Variants in SCUBE3 observed in about 807,000 individuals in gnomAD.
SCUBE3 encodes the protein signal peptide, CUB and EGF-like domain-containing protein 3.
Under a neutral mutation model 116.8 loss-of-function variants are expected in SCUBE3, and 33 were observed. That is an observed-to-expected ratio of 0.28 (90% CI 0.21 to 0.38). SCUBE3 has a LOEUF of 0.38. Ranked by LOEUF, SCUBE3 falls within the 10% of genes least tolerant of loss-of-function variation. The pLI is 1.00. For missense variants in SCUBE3, 1,007 were observed against 1,324.8 expected, an observed-to-expected ratio of 0.76 and a Z score of 3.72; for synonymous variants, 418 against 496.9, an observed-to-expected ratio of 0.84 and a Z score of 2.11.
rs1374074395 is a variant in SCUBE3, at chr6:35,233,386, A to G, written c.712+85A>G. ...GGGAACCAGGGAAGTGGAGGAGTGC[A>G]TGGGGCCCAGGTGCTGGGCACAGAG... On this transcript the variant is annotated intron_variant, in intron 6 of 21. Transcript: ENST00000274938. This position sits in a 1 kb window ranked among gnomAD's most constrained non-coding sequence, Gnocchi z 5.7. 2.4e-6 allele frequency: 2 copies of G among 840,102 alleles called. No individual in the cohort carries two copies. The highest frequency in any genetic ancestry group is 4.1e-6 in the Non-Finnish European group (2 of 490,178). The allele number at this position is 840,102 out of a possible 1,614,324, so 52.0% of individuals were successfully genotyped here.
Position 35,231,402 on chromosome 6 carries a change from T to C in SCUBE3, c.335-323T>C, listed in dbSNP as rs185329478. Among the ~76,000 whole-genome samples the C allele has an allele frequency of 2.0e-5, 3 of 152,332 alleles. No homozygotes were observed. The highest frequency in any genetic ancestry group is 4.4e-5 in the Non-Finnish European group (3 of 68,030). On this transcript the variant is annotated intron_variant, in intron 3 of 21. Transcript: ENST00000274938. The surrounding 1 kb of genome is among the most constrained non-coding windows in gnomAD (Gnocchi z 4.2). ...ATCCTTACCTTCATCACTGTTCCTCTTTCTCTGGCTTCTTTCCTGGTGTCC... is the reference window on the plus strand; with the variant it reads ...ATCCTTACCTTCATCACTGTTCCTCCTTCTCTGGCTTCTTTCCTGGTGTCC...
At chr6:35,226,479 C>CTTTTTTTTTTTTTTTTTT (rs1562044702) in intron 1 of SCUBE3, among the ~76,000 whole-genome samples, 28 of 52,182 alleles carry the variant, frequency 5.4e-4, no homozygotes, top group South Asian at 2.2e-3. Flanking sequence ...TTTTCTATGT[C>CTTTTTTTTTTTTTTTTTT]CTTTTTTTTT....
intron 6 of SCUBE3, 89 bp from the exon 7 acceptor site, chr6:35,237,813 C>A: frequency 1.4e-6 from 1 of 736,226 alleles, no homozygotes; most frequent in Non-Finnish European, 2.3e-6. Context: ...GGCCTTCCCT[C>A]GGGCCTCTGT....
intron 3 of SCUBE3, among the ~76,000 whole-genome samples, chr6:35,230,934 G>A (rs1300456374): frequency 2.0e-5 from 3 of 152,208 alleles, no homozygotes; most frequent in East Asian, 3.8e-4. Context: ...GAATCAAGGT[G>A]TTGAATTGGG....
At chr6:35,216,005 G>A (rs1782876594) in intron 1 of SCUBE3, among the ~76,000 whole-genome samples, 1 of 152,202 alleles carries the variant, frequency 6.6e-6, no homozygotes, top group Admixed American at 6.5e-5. Flanking sequence ...GAATTAGGTG[G>A]GGAGTTTAGT....
rs1227946932 is a variant in SCUBE3, at chr6:35,240,353, C to CT, written c.953-19dup. ...AAGTGCTCCAAGACAGATTCAGTGG[C>CT]TTGAATCTTTGCTCTTCCAGATATA... On this transcript the variant is annotated intron_variant, in intron 8 of 21. Coordinates refer to ENST00000274938, the MANE Select transcript of SCUBE3 (RefSeq NM_152753.4). This position sits in a 1 kb window ranked among gnomAD's most constrained non-coding sequence, Gnocchi z 4.6. 11 of 1,453,980 alleles carry CT rather than the reference C, an allele frequency of 7.6e-6. No individual in the cohort carries two copies. The highest frequency in any genetic ancestry group is 8.6e-6 in the Non-Finnish European group (9 of 1,047,598). The allele number at this position is 1,453,980 out of a possible 1,614,324, so 90.1% of individuals were successfully genotyped here.
At chr6:35,246,410 G>A in intron 21 of SCUBE3, 125 bp downstream of exon 21, 1 of 712,910 alleles carries the variant, frequency 1.4e-6, no homozygotes, top group Non-Finnish European at 2.4e-6. Flanking sequence ...TGAGGTAGGT[G>A]CTTTCTCCAT....
At position 35,228,832 on chromosome 6, in the gene SCUBE3, T is replaced by C; in HGVS notation, c.334+93T>C. 1 of 1,346,974 alleles carries C rather than the reference T, an allele frequency of 7.4e-7. No individual in the cohort carries two copies. The highest frequency in any genetic ancestry group is 1.1e-6 in the Non-Finnish European group (1 of 946,714). The allele number at this position is 1,346,974 out of a possible 1,614,324, so 83.4% of individuals were successfully genotyped here. A position where few individuals can be genotyped will look rare whatever the true frequency, so the allele number is the denominator to read the frequency against. ...TATTTCCCAGGGAAGGAGGAGAGAG[T>C]GATCAAGAAGAGCTACATTCACAAG... On this transcript the variant is annotated intron_variant, in intron 3 of 21. Coordinates refer to ENST00000274938, the MANE Select transcript of SCUBE3 (RefSeq NM_152753.4). This position sits in a 1 kb window ranked among gnomAD's most constrained non-coding sequence, Gnocchi z 4.9.
chr6:35,246,258 C>T lies in SCUBE3; in HGVS notation c.2805C>T (p.Ala935=). Residue 935 remains alanine, a synonymous_variant, in exon 21 of 22, where the codon GCC becomes GCT. Coordinates refer to ENST00000274938, the MANE Select transcript of SCUBE3 (RefSeq NM_152753.4). ...EDIVRDGRLY[A]SENHQEILKD... ...TTGTGCGAGATGGCCGGCTCTATGC[C>T]TCTGAAAACCACCAGGAGATTTTAA... 1 of 1,613,584 alleles carries T rather than the reference C, an allele frequency of 6.2e-7. No homozygotes were observed. The highest frequency in any genetic ancestry group is 8.5e-7 in the Non-Finnish European group (1 of 1,179,506).
At chr6:35,216,869 G>T (rs1220565760) in intron 1 of SCUBE3, among the ~76,000 whole-genome samples, 1 of 152,124 alleles carries the variant, frequency 6.6e-6, no homozygotes, top group Non-Finnish European at 1.5e-5. Flanking sequence ...CATGTGGAAG[G>T]GGGGAAAGGG....
In SCUBE3 at chr6:35,243,565, G is replaced by A. The variant is rs1365951368; in HGVS notation, c.1910-29G>A. On this transcript the variant is annotated intron_variant, in intron 15 of 21. Transcript: ENST00000274938. This position sits in a 1 kb window ranked among gnomAD's most constrained non-coding sequence, Gnocchi z 6.6. ...CTGGGTGGTGGGAAATGCGGGGGTG[G>A]GTGGCTAGCGCGGCCGACTCTCCCT... 13 of 1,550,596 alleles carry A rather than the reference G, an allele frequency of 8.4e-6. No individual in the cohort carries two copies. The African/African-American group carries it at 1.2e-4, about 15-fold the overall frequency.
Position 35,241,408 on chromosome 6 carries a change from G to T in SCUBE3, c.1196-135G>T, listed in dbSNP as rs1784040464. ...TGTAGCCATTTTGAGTTAAAGACAT[G>T]AAATTTGTAGTAAACAATCCCATCA... On this transcript the variant is annotated intron_variant, in intron 10 of 21. Transcript: ENST00000274938. The surrounding 1 kb of genome is among the most constrained non-coding windows in gnomAD (Gnocchi z 4.1). 31 of 1,153,518 alleles carry T rather than the reference G, an allele frequency of 2.7e-5. No homozygotes were observed. The South Asian group carries it at 3.8e-4, about 14-fold the overall frequency. 71.5% of individuals were successfully genotyped at this position (1,153,518 alleles called of 1,614,324 possible).
At chr6:35,236,347 T>G (rs1295890533) in intron 6 of SCUBE3, among the ~76,000 whole-genome samples, 2 of 152,344 alleles carry the variant, frequency 1.3e-5, no homozygotes, top group East Asian at 3.9e-4. Context: ...AGCTCTGCTA[T>G]TCCGTATCCT....
Position 35,239,342 on chromosome 6 carries a change from G to A in SCUBE3, c.830-410G>A, listed in dbSNP as rs1783924919. Among the ~76,000 whole-genome samples, 1 of 151,300 alleles carries A rather than the reference G, an allele frequency of 6.6e-6. No homozygotes were observed. The highest frequency in any genetic ancestry group is 1.5e-5 in the Non-Finnish European group (1 of 67,918). On this transcript the variant is annotated intron_variant, in intron 7 of 21. Transcript: ENST00000274938. This position sits in a 1 kb window ranked among gnomAD's most constrained non-coding sequence, Gnocchi z 4.1. ...GCACCCCCCCAACCCCCCGTCCTGA[G>A]GGACAGGAAAGAGATAACCCTTACC... is the stretch of plus-strand genomic sequence containing the variant.
chr6:35,234,127 G>C (rs542041806), intron 6 of SCUBE3, among the ~76,000 whole-genome samples: 2,045 of 152,294 alleles, frequency 0.013, 19 homozygotes, highest in African/African-American at 0.025. Context: ...GGTCTTTAGT[G>C]CTGAGAAGGA....
rs774493042 is a variant in SCUBE3, at chr6:35,240,330, G to A, written c.953-44G>A. On this transcript the variant is annotated intron_variant, in intron 8 of 21. Transcript: ENST00000274938. The surrounding 1 kb of genome is among the most constrained non-coding windows in gnomAD (Gnocchi z 4.6). ...GGTCCTTCACCTGAGCAAGGGTCAA[G>A]TGCTCCAAGACAGATTCAGTGGCTT... The A allele has an allele frequency of 1.6e-6, 2 of 1,250,314 alleles. No homozygotes were observed. The highest frequency in any genetic ancestry group is 2.0e-5 in the Admixed American group (1 of 49,550). The allele number at this position is 1,250,314 out of a possible 1,614,324, so 77.5% of individuals were successfully genotyped here. A position where few individuals can be genotyped will look rare whatever the true frequency, so the allele number is the denominator to read the frequency against.
intron 21 of SCUBE3, among the ~76,000 whole-genome samples, chr6:35,247,534 A>AT (rs1784399058): frequency 6.6e-6 from 1 of 152,038 alleles, no homozygotes; most frequent in Non-Finnish European, 1.5e-5. Flanking sequence ...AAATATTTTT[A>AT]TATTATCATC....
Position 35,252,795 on chromosome 6 carries a change from CTT to C in SCUBE3, c.*4092_*4093del, listed in dbSNP as rs1784598441. ...TGTAGCAGTTTGAACAAACTGAAAACTTTATACTTCTGTGTGAGCTGAACTCA... is the reference window on the plus strand; with the variant it reads ...TGTAGCAGTTTGAACAAACTGAAAACTATACTTCTGTGTGAGCTGAACTCA... On this transcript the variant is annotated 3_prime_UTR_variant, in exon 22 of 22. Coordinates refer to ENST00000274938, the MANE Select transcript of SCUBE3 (RefSeq NM_152753.4). 6.6e-6 allele frequency: 1 copy of C among 152,234 alleles called. No individual in the cohort carries two copies. The highest frequency in any genetic ancestry group is 6.5e-5 in the Admixed American group (1 of 15,284). 9.4% of individuals were successfully genotyped at this position (152,234 alleles called of 1,614,324 possible). A position where few individuals can be genotyped will look rare whatever the true frequency, so the allele number is the denominator to read the frequency against.
At position 35,239,619 on chromosome 6, in the gene SCUBE3, G is replaced by A; in HGVS notation, c.830-133G>A. The A allele has an allele frequency of 1.4e-6, 1 of 733,632 alleles. No homozygotes were observed. Among genetic ancestry groups the A allele is most frequent in the East Asian group, 2.7e-5 (1 of 36,440 alleles). The allele number at this position is 733,632 out of a possible 1,614,324, so 45.4% of individuals were successfully genotyped here. On this transcript the variant is annotated intron_variant, in intron 7 of 21. Transcript: ENST00000274938. This position sits in a 1 kb window ranked among gnomAD's most constrained non-coding sequence, Gnocchi z 4.1. ...GGAAAGAGAAAGAGAAAGAGACAGA[G>A]AGAGATCAAGAAGAGGCAGGCCCAG...
Sources: gnomAD v4.1 joint callset for allele counts (sites outside exome capture counted in the v4.1 genomes callset) on GRCh38, gnomAD v4.1.1 for gene constraint, Gnocchi (gnomAD v3.1) non-coding constraint, MANE v1.5 for transcripts, NCBI Gene and HGNC (gene_info 2026-07-23, HGNC 2026-07-21) for gene names.